Variants in SHC3 observed in about 807,000 individuals in gnomAD.
SHC3 encodes SHC-transforming protein 3.
SHC3 carries 15 observed loss-of-function variants against 60.4 expected under a neutral mutation model. That is an observed-to-expected ratio of 0.25 (90% CI 0.17 to 0.38). The LOEUF is 0.38. SHC3 is among the 10% of genes least tolerant of loss of function. The pLI is 1.00. For synonymous variants in SHC3, 294 were observed against 325.9 expected (o/e 0.90, Z 1.05); for missense variants, 677 against 786.1 (o/e 0.86, Z 1.66).
chr9:89,027,408 C>T (rs969887058), intron 11 of SHC3, among the ~76,000 whole-genome samples: 5 of 150,330 alleles, frequency 3.3e-5, no homozygotes, highest in East Asian at 1.9e-4. Context: ...CAGGCTGTGC[C>T]CCCCGGGTTC....
intron 1 of SHC3, among the ~76,000 whole-genome samples, chr9:89,132,855 A>G (rs931840863): frequency 6.6e-6 from 1 of 152,222 alleles, no homozygotes; most frequent in African/African-American, 2.4e-5. Context: ...ATGGGCAAGG[A>G]CTTCATGTCT....
At chr9:89,066,368 CATAA>C (rs1209501141) in intron 5 of SHC3, among the ~76,000 whole-genome samples, 3 of 152,114 alleles carry the variant, frequency 2.0e-5, no homozygotes, top group African/African-American at 7.2e-5. Flanking sequence ...TCTTCTTGGA[CATAA>C]ATAATGATCT....
chr9:89,111,759 T>A (rs10867153), intron 2 of SHC3, among the ~76,000 whole-genome samples: 4,322 of 152,272 alleles, frequency 0.028, 102 homozygotes, highest in South Asian at 0.049. Context: ...TCCAAACATA[T>A]ACAATAGAAT....
At chr9:89,034,763 T>C (rs1327383702) in intron 11 of SHC3, among the ~76,000 whole-genome samples, 1 of 152,172 alleles carries the variant, frequency 6.6e-6, no homozygotes, top group African/African-American at 2.4e-5. Context: ...TAAAACTCTA[T>C]CAAAAGACAC....
At chr9:89,043,091 G>T (rs1824713923) in intron 9 of SHC3, among the ~76,000 whole-genome samples, 1 of 152,168 alleles carries the variant, frequency 6.6e-6, no homozygotes, top group South Asian at 2.1e-4. Flanking sequence ...CTGGAAAGAG[G>T]GTGTCTTTCA....
intron 1 of SHC3, among the ~76,000 whole-genome samples, chr9:89,173,401 A>C (rs1826897389): frequency 6.6e-6 from 1 of 152,262 alleles, no homozygotes; most frequent in African/African-American, 2.4e-5. Flanking sequence ...TAGTAATCAT[A>C]TATTCCTCAA....
At chr9:89,051,084 C>T (rs559509160) in intron 7 of SHC3, among the ~76,000 whole-genome samples, 7 of 152,056 alleles carry the variant, frequency 4.6e-5, no homozygotes, top group Admixed American at 2.0e-4. Context: ...CTTTGAAGAA[C>T]GGCAAAGACT....
At position 89,006,796 on chromosome 9, in the gene SHC3, G is replaced by C. The variant is rs1448953183; in HGVS notation, c.*6651C>G. 1 of 152,154 alleles carries C rather than the reference G, an allele frequency of 6.6e-6. No individual in the cohort carries two copies. Among genetic ancestry groups the C allele is most frequent in the African/African-American group, 2.4e-5 (1 of 41,432 alleles). 9.4% of individuals were successfully genotyped at this position (152,154 alleles called of 1,614,324 possible). A position where few individuals can be genotyped will look rare whatever the true frequency, so the allele number is the denominator to read the frequency against. ...CAAATGAACAGAGAACATTCCACTT[G>C]CAACCAACACATAGCTGTTAACAAA... On this transcript the variant is annotated 3_prime_UTR_variant, in exon 12 of 12. Coordinates refer to ENST00000375835, the MANE Select transcript of SHC3 (RefSeq NM_016848.6).
At position 89,178,469 on chromosome 9, in the gene SHC3, G is replaced by A; in HGVS notation, c.-9C>T. The A allele has an allele frequency of 7.0e-7, 1 of 1,430,398 alleles. No individual in the cohort carries two copies. Among genetic ancestry groups the A allele is most frequent in the South Asian group, 1.6e-5 (1 of 63,920 alleles). 88.6% of individuals were successfully genotyped at this position (1,430,398 alleles called of 1,614,324 possible). On this transcript the variant is annotated 5_prime_UTR_variant, in exon 1 of 12. In the 5' UTR this introduces an upstream ATG that the reference lacks. Transcript: ENST00000375835. The surrounding 1 kb of genome is among the most constrained non-coding windows in gnomAD (Gnocchi z 6.9). ...TTGGTGCGTGGAAGCATGCCCCTCC[G>A]TGGGCTCGCTGCATCCGCCCGGGCG... is the stretch of plus-strand genomic sequence containing the variant.
chr9:89,090,377 C>A (rs976931944), intron 2 of SHC3, among the ~76,000 whole-genome samples: 1 of 152,166 alleles, frequency 6.6e-6, no homozygotes, highest in Admixed American at 6.5e-5. Flanking sequence ...AAAGGCAAGA[C>A]CATGGCCTCC....
chr9:89,020,770 C>T (rs1826187719), intron 11 of SHC3, among the ~76,000 whole-genome samples: 1 of 152,094 alleles, frequency 6.6e-6, no homozygotes, highest in African/African-American at 2.4e-5. Context: ...GTGAGTCCCC[C>T]TCACCAACTC....
At chr9:89,163,342 C>A (rs950347711) in intron 1 of SHC3, among the ~76,000 whole-genome samples, 18 of 152,136 alleles carry the variant, frequency 1.2e-4, no homozygotes, top group African/African-American at 4.1e-4. Context: ...TTGGAACCAA[C>A]CCAAATGTCC....
chr9:89,153,422 T>C (rs1330273273), intron 1 of SHC3, among the ~76,000 whole-genome samples: 2 of 152,178 alleles, frequency 1.3e-5, no homozygotes, highest in Non-Finnish European at 2.9e-5. Context: ...CCAACATCCA[T>C]GCTGCTCTCA....
intron 2 of SHC3, among the ~76,000 whole-genome samples, chr9:89,098,213 G>T (rs944432969): frequency 6.6e-6 from 1 of 152,156 alleles, no homozygotes; most frequent in Non-Finnish European, 1.5e-5. Context: ...ACAAAGAAAG[G>T]CTAAAGAACT....
In SHC3 at chr9:89,067,306, C is replaced by G. The variant is rs548729213; in HGVS notation, c.784-1726G>C. 1.9e-4 allele frequency among the ~76,000 whole-genome samples: 29 copies of G among 152,340 alleles called. No homozygotes were observed. In the South Asian group the frequency reaches 2.9e-3, roughly 15 times the overall value. ...ATCTAAGATAGCACTAGATTTCAAG[C>G]TGAAATTCATAGAACCCTAGGGTTG... is the stretch of plus-strand genomic sequence containing the variant. On this transcript the variant is annotated intron_variant, in intron 5 of 11. Coordinates refer to ENST00000375835, the MANE Select transcript of SHC3 (RefSeq NM_016848.6).
At chr9:89,161,370 G>T (rs1375001415) in intron 1 of SHC3, among the ~76,000 whole-genome samples, 1 of 152,124 alleles carries the variant, frequency 6.6e-6, no homozygotes, top group Non-Finnish European at 1.5e-5. Context: ...GTCACCTTCT[G>T]CTGTGAAGTC....
chr9:89,086,886 T>C (rs1587718849), intron 2 of SHC3, among the ~76,000 whole-genome samples: 1 of 152,352 alleles, frequency 6.6e-6, no homozygotes, highest in South Asian at 2.1e-4. Context: ...TGCTTGTGCA[T>C]GTTATCTTTC....
At chr9:89,114,276 G>T (rs571331995) in intron 1 of SHC3, among the ~76,000 whole-genome samples, 60 of 152,154 alleles carry the variant, frequency 3.9e-4, no homozygotes, top group Middle Eastern at 6.8e-3. Flanking sequence ...CAATGCCATA[G>T]AGTTATTTGA....
intron 6 of SHC3, among the ~76,000 whole-genome samples, chr9:89,064,862 G>T (rs111714430): frequency 2.6e-5 from 4 of 152,094 alleles, no homozygotes; most frequent in Non-Finnish European, 5.9e-5. Context: ...CCTGGGGTAG[G>T]GGGGTAGTGA....
Sources: gnomAD v4.1 joint callset for allele counts (sites outside exome capture counted in the v4.1 genomes callset) on GRCh38, gnomAD v4.1.1 for gene constraint, Gnocchi (gnomAD v3.1) non-coding constraint, MANE v1.5 for transcripts, NCBI Gene and HGNC (gene_info 2026-07-23, HGNC 2026-07-21) for gene names.